The following SLC14A2 variants were observed in gnomAD, a reference collection of about 807,000 sequenced individuals.
SLC14A2 encodes solute carrier family 14 member 2.
In SLC14A2, 91 loss-of-function variants were observed where a neutral mutation model predicts 104.6. The ratio of observed to expected loss-of-function variants is 0.87; its 90% CI spans 0.73 to 1.04. The LOEUF is 1.04. Ranked by LOEUF, SLC14A2 falls within the 50% of genes least tolerant of loss-of-function variation. SLC14A2 has a pLI of 0.00. For synonymous variants in SLC14A2, 476 were observed against 466.4 expected (o/e 1.02, Z -0.27); for missense variants, 1,189 against 1,156.0 (o/e 1.03, Z -0.41).
chr18:45,233,951 C>T (rs2084201100), intron 1 of SLC14A2, among the ~76,000 whole-genome samples: 2 of 151,792 alleles, frequency 1.3e-5, no homozygotes, highest in African/African-American at 2.4e-5. Context: ...GAAATTAGCT[C>T]ATTAGCAGAA....
chr18:45,390,535 G>A (rs1422901442), intron 1 of SLC14A2, among the ~76,000 whole-genome samples: 1 of 152,112 alleles, frequency 6.6e-6, no homozygotes, highest in Non-Finnish European at 1.5e-5. Context: ...ATATTGTTCT[G>A]CTAGTAAACA....
intron 10 of SLC14A2, among the ~76,000 whole-genome samples, chr18:45,645,542 A>G (rs2045603905): frequency 8.6e-6 from 1 of 116,616 alleles, no homozygotes; most frequent in South Asian, 3.1e-4. Flanking sequence ...GACTATAGAA[A>G]GACAATTATC....
chr18:45,679,689 G>C (rs147307991), intron 19 of SLC14A2, among the ~76,000 whole-genome samples: 100 of 152,318 alleles, frequency 6.6e-4, no homozygotes, highest in African/African-American at 2.2e-3. Context: ...GATAAGGAGG[G>C]AGTGGGCATT....
Position 45,403,759 on chromosome 18 carries a change from G to GATGAATGAATGAATGAATGAATGA in SLC14A2, c.-124-79471_-124-79448dup, listed in dbSNP as rs57905800. 1.3e-3 allele frequency among the ~76,000 whole-genome samples: 181 copies of GATGAATGAATGAATGAATGAATGA among 135,192 alleles called. 1 individual carries two copies. Among genetic ancestry groups the GATGAATGAATGAATGAATGAATGA allele is most frequent in the East Asian group, 4.7e-3 (22 of 4,722 alleles). The allele number at this position is 135,192 out of a possible 152,430, so 88.7% of individuals were successfully genotyped here. Reference sequence around the variant, plus strand: ...GGCACAGAGTAACAATTTAATCAGTGATGAATGAATGAATGAATGAATGAA... The same window carrying GATGAATGAATGAATGAATGAATGA: ...GGCACAGAGTAACAATTTAATCAGTGATGAATGAATGAATGAATGAATGAATGAATGAATGAATGAATGAATGAA... On this transcript the variant is annotated intron_variant, in intron 1 of 20. Transcript: ENST00000586448.
intron 1 of SLC14A2, among the ~76,000 whole-genome samples, chr18:45,245,963 G>C (rs1255778374): frequency 6.6e-6 from 1 of 152,184 alleles, no homozygotes; most frequent in Non-Finnish European, 1.5e-5. Context: ...CATGTTTCTA[G>C]AGCAGCTTCT....
intron 10 of SLC14A2, among the ~76,000 whole-genome samples, chr18:45,658,948 G>A (rs1007429569): frequency 3.3e-5 from 5 of 152,128 alleles, no homozygotes; most frequent in Non-Finnish European, 4.4e-5. Flanking sequence ...TTGGCCTCCT[G>A]CCTATTAAAA....
chr18:45,299,133 A>AAG (rs2084943865), intron 1 of SLC14A2, among the ~76,000 whole-genome samples: 2 of 152,358 alleles, frequency 1.3e-5, no homozygotes, highest in South Asian at 2.1e-4. Context: ...TGTTCACCGG[A>AAG]AGATAGCTCA....
At chr18:45,447,341 C>A (rs978857715) in intron 1 of SLC14A2, 1 of 152,206 alleles carries the variant, frequency 6.6e-6, no homozygotes. Context: ...TCCGCTTTCA[C>A]TTTTCCAAAG....
At chr18:45,293,677 G>A (rs2084893262) in intron 1 of SLC14A2, among the ~76,000 whole-genome samples, 2 of 152,202 alleles carry the variant, frequency 1.3e-5, no homozygotes, top group Admixed American at 6.5e-5. Context: ...TTTAAAGCGG[G>A]ATTCCAGGTT....
intron 2 of SLC14A2, among the ~76,000 whole-genome samples, chr18:45,567,068 G>GTGTGTA (rs1407903108): frequency 3.8e-5 from 5 of 129,896 alleles, no homozygotes; most frequent in Non-Finnish European, 6.0e-5. Flanking sequence ...GTGTGTGTGT[G>GTGTGTA]TGTGTGTGTG....
chr18:45,441,097 C>T (rs1264451343), intron 1 of SLC14A2, among the ~76,000 whole-genome samples: 1 of 152,162 alleles, frequency 6.6e-6, no homozygotes, highest in East Asian at 1.9e-4. Context: ...CCCAACTGTC[C>T]CTTCCCTCGG....
chr18:45,581,987 T>A (rs1342889879), intron 2 of SLC14A2, among the ~76,000 whole-genome samples: 1 of 152,230 alleles, frequency 6.6e-6, no homozygotes, highest in Non-Finnish European at 1.5e-5. Context: ...TGAATGGAAG[T>A]GTATTCAGCT....
intron 1 of SLC14A2, among the ~76,000 whole-genome samples, chr18:45,385,291 G>A (rs574086059): frequency 2.0e-5 from 3 of 152,310 alleles, no homozygotes; most frequent in South Asian, 2.1e-4. Context: ...TAACGCTTTC[G>A]AGTGTGCAGG....
chr18:45,398,549 G>A (rs1196864339), intron 1 of SLC14A2, among the ~76,000 whole-genome samples: 1 of 103,406 alleles, frequency 9.7e-6, no homozygotes, highest in Non-Finnish European at 2.3e-5. Context: ...CCACCCAAAT[G>A]TTCAATTGAC....
chr18:45,403,776 A>ATGAATGAATTAATGAG (rs1555682873), intron 1 of SLC14A2, among the ~76,000 whole-genome samples: 1 of 152,010 alleles, frequency 6.6e-6, no homozygotes, highest in African/African-American at 2.4e-5. Context: ...GAATGAATGA[A>ATGAATGAATTAATGAG]TGAATGAATA....
intron 2 of SLC14A2, among the ~76,000 whole-genome samples, chr18:45,496,817 G>A (rs2043106466): frequency 6.6e-6 from 1 of 152,086 alleles, no homozygotes; most frequent in East Asian, 1.9e-4. Context: ...ACTGCTTGCT[G>A]GGCCTTCTGG....
At chr18:45,181,411 T>C in the SLC14A2 span, 1 of 152,028 alleles carries the variant, frequency 6.6e-6, no homozygotes. Flanking sequence ...CTCAGGAAGG[T>C]GGTGTGGGTG....
chr18:45,363,818 G>A (rs1427910884), intron 1 of SLC14A2, among the ~76,000 whole-genome samples: 1 of 151,554 alleles, frequency 6.6e-6, no homozygotes, highest in South Asian at 2.1e-4. Flanking sequence ...ACTTCCTGGG[G>A]TGTCACGCTG....
At chr18:45,360,781 G>A (rs1014176644) in intron 1 of SLC14A2, among the ~76,000 whole-genome samples, 1 of 152,216 alleles carries the variant, frequency 6.6e-6, no homozygotes, top group Admixed American at 6.5e-5. Context: ...ATGCTACAGA[G>A]AGAAAGGGCA....
Sources: allele counts gnomAD v4.1 joint callset (sites outside exome capture counted in the v4.1 genomes callset), GRCh38; gene constraint gnomAD v4.1.1; transcripts MANE v1.5; gene names NCBI Gene and HGNC (gene_info 2026-07-23, HGNC 2026-07-21).